ZNF827: variants seen among roughly 807,000 people sequenced by gnomAD.
ZNF827 encodes zinc finger protein 827.
Under a neutral mutation model 102.4 loss-of-function variants are expected in ZNF827, and 13 were observed. The observed-to-expected ratio is 0.13, with a 90% confidence interval of 0.08 to 0.20. The LOEUF (loss-of-function observed/expected upper bound fraction) is 0.20. ZNF827 is among the 10% of genes least tolerant of loss of function. The pLI, the probability that ZNF827 is intolerant of heterozygous loss-of-function variation, is 1.00. For synonymous variants in ZNF827, 523 were observed against 536.2 expected (o/e 0.98, Z 0.34); for missense variants, 1,103 against 1,344.4 (o/e 0.82, Z 2.81).
rs746103269 is a variant in ZNF827, at chr4:145,902,341, T to C, written c.918A>G (p.Lys306=). 3 of 1,606,428 alleles carry C rather than the reference T, an allele frequency of 1.9e-6. No individual in the cohort carries two copies. In the South Asian group the frequency reaches 3.3e-5, roughly 18 times the overall value. ...GAGGGTCCTCAGGCAGCAGCGATGATTTCTCAGCCAGAAGACTGCCCGCAG... is the reference window on the plus strand; with the variant it reads ...GAGGGTCCTCAGGCAGCAGCGATGACTTCTCAGCCAGAAGACTGCCCGCAG... The part of the protein sequence containing the change: ...ARAAGSLLAE[K]SSLLPEDPLP... Residue 306 remains lysine, a synonymous_variant, in exon 2 of 15, where the codon AAA becomes AAG. Coordinates refer to ENST00000508784, the MANE Select transcript of ZNF827 (RefSeq NM_001306215.2). This position sits in a 1 kb window ranked among gnomAD's most constrained non-coding sequence, Gnocchi z 4.3.
intron 3 of ZNF827, among the ~76,000 whole-genome samples, chr4:145,890,601 C>A (rs1445828811): frequency 1.3e-5 from 2 of 152,198 alleles, no homozygotes; most frequent in Non-Finnish European, 2.9e-5. Flanking sequence ...CTCGCTGAAG[C>A]TTTAAATTTG....
At chr4:145,914,776 GTGTACCTTCCT>G (rs1421405451) in intron 1 of ZNF827, among the ~76,000 whole-genome samples, 1 of 152,158 alleles carries the variant, frequency 6.6e-6, no homozygotes, top group African/African-American at 2.4e-5. Flanking sequence ...AATCCTGAAG[GTGTACCTTCCT>G]TTCTTCTCAG....
chr4:145,891,005 C>A (rs542891578), intron 3 of ZNF827, among the ~76,000 whole-genome samples: 1 of 152,322 alleles, frequency 6.6e-6, no homozygotes, highest in Admixed American at 6.5e-5. Flanking sequence ...GATTACTGAT[C>A]TATTTAAAAG....
At chr4:145,901,878 G>T (rs1411970428) in intron 2 of ZNF827, among the ~76,000 whole-genome samples, 3 of 152,002 alleles carry the variant, frequency 2.0e-5, no homozygotes, top group Non-Finnish European at 4.4e-5. Context: ...TATGGACCTA[G>T]CCTGAACTTA....
chr4:145,906,200 A>G (rs1751859082), intron 1 of ZNF827, among the ~76,000 whole-genome samples: 1 of 152,232 alleles, frequency 6.6e-6, no homozygotes, highest in South Asian at 2.1e-4. Context: ...TCCACTGCAC[A>G]ATCTGCAGAC....
rs1233299067 is a variant in ZNF827, at chr4:145,783,022, C to T, written c.2384-3511G>A. Among the ~76,000 whole-genome samples, 4 of 152,198 alleles carry T rather than the reference C, an allele frequency of 2.6e-5. No individual in the cohort carries two copies. In the East Asian group the frequency reaches 7.7e-4, roughly 29 times the overall value. On this transcript the variant is annotated intron_variant, in intron 8 of 14. Transcript: ENST00000508784. ...CCCAGGGAACTTTTATGAATATTTC[C>T]GTTGTACCACTTTTCCTATTATATC...
At chr4:145,919,768 A>T (rs910444468) in intron 1 of ZNF827, among the ~76,000 whole-genome samples, 12 of 152,256 alleles carry the variant, frequency 7.9e-5, no homozygotes, top group African/African-American at 2.7e-4. Context: ...AGCATGGATA[A>T]CATTAAACCA....
chr4:145,913,652 G>A (rs1752461161), intron 1 of ZNF827, among the ~76,000 whole-genome samples: 1 of 152,016 alleles, frequency 6.6e-6, no homozygotes, highest in African/African-American at 2.4e-5. Flanking sequence ...TTGATTACTT[G>A]CTCCCTTACC....
chr4:145,774,453 T>C (rs1736737901), intron 11 of ZNF827, 53 bp downstream of exon 11: 2 of 1,567,798 alleles, frequency 1.3e-6, no homozygotes, highest in Non-Finnish European at 1.7e-6. Context: ...GCAGGTGCTC[T>C]GGGGTGCAGG....
At chr4:145,908,495 T>A (rs1301437786) in intron 1 of ZNF827, among the ~76,000 whole-genome samples, 6 of 152,214 alleles carry the variant, frequency 3.9e-5, no homozygotes, top group Non-Finnish European at 7.3e-5. Flanking sequence ...GTTTTCCCTT[T>A]CCTACTAATA....
At position 145,853,615 on chromosome 4, in the gene ZNF827, C is replaced by CA. The variant is rs200790274; in HGVS notation, c.1982-4055dup. 7.7e-3 allele frequency among the ~76,000 whole-genome samples: 1,163 copies of CA among 150,190 alleles called. 10 individuals carry two copies. Among genetic ancestry groups the CA allele is most frequent in the African/African-American group, 0.026 (1,075 of 40,988 alleles). The stretch of plus-strand genomic sequence containing the variant: ...AACAAACAAACAACCCACAAAAAAA[C>CA]AAAAAAAAACTACAAGATATTTCAG... On this transcript the variant is annotated intron_variant, in intron 5 of 14. Coordinates refer to ENST00000508784, the MANE Select transcript of ZNF827 (RefSeq NM_001306215.2).
chr4:145,879,834 G>A (rs762776415), intron 4 of ZNF827, among the ~76,000 whole-genome samples: 9 of 152,104 alleles, frequency 5.9e-5, no homozygotes, highest in Non-Finnish European at 7.3e-5. Context: ...GCACAAGAAG[G>A]GCAGAGAACA....
At chr4:145,802,718 G>A (rs1309418065) in intron 8 of ZNF827, among the ~76,000 whole-genome samples, 1 of 152,260 alleles carries the variant, frequency 6.6e-6, no homozygotes, top group Non-Finnish European at 1.5e-5. Flanking sequence ...AGCACCCTGG[G>A]ACATGAAGGC....
chr4:145,814,899 C>G (rs1384535468), intron 8 of ZNF827, among the ~76,000 whole-genome samples: 1 of 152,084 alleles, frequency 6.6e-6, no homozygotes, highest in Admixed American at 6.5e-5. Context: ...TGAGATCGTG[C>G]CACTGCACTC....
At chr4:145,824,221 T>A (rs563774437) in intron 7 of ZNF827, among the ~76,000 whole-genome samples, 2 of 152,314 alleles carry the variant, frequency 1.3e-5, no homozygotes, top group East Asian at 3.9e-4. Context: ...CAGGGTTCCC[T>A]CTAAAACCAT....
intron 8 of ZNF827, among the ~76,000 whole-genome samples, chr4:145,795,837 T>C (rs1250452535): frequency 1.3e-5 from 2 of 152,260 alleles, no homozygotes; most frequent in Non-Finnish European, 2.9e-5. Flanking sequence ...GGGTATCTTA[T>C]CAGTGGCTCC....
chr4:145,892,315 A>G lies in ZNF827; in HGVS notation c.1194T>C (p.Gly398=), dbSNP rs1359767335. ...YWKRHMVIHT[G]LKSHQCPLCP... Reference sequence around the variant, plus strand: ...AGAGCGGACACTGATGACTTTTTAAACCTGTGTGAATCACCATGTGCCGCT... The same window carrying G: ...AGAGCGGACACTGATGACTTTTTAAGCCTGTGTGAATCACCATGTGCCGCT... The change falls in exon 3 of 15, where the codon GGT becomes GGC. Residue 398 remains glycine (G), a synonymous_variant. Coordinates refer to ENST00000508784, the MANE Select transcript of ZNF827 (RefSeq NM_001306215.2). The G allele has an allele frequency of 3.7e-6, 6 of 1,613,884 alleles. No individual in the cohort carries two copies. The highest frequency in any genetic ancestry group is 5.1e-6 in the Non-Finnish European group (6 of 1,179,984).
At chr4:145,794,644 C>T (rs948064060) in intron 8 of ZNF827, among the ~76,000 whole-genome samples, 5 of 151,926 alleles carry the variant, frequency 3.3e-5, no homozygotes, top group African/African-American at 1.2e-4. Flanking sequence ...TTGCTTGAGC[C>T]CAGGAGGTTA....
intron 4 of ZNF827, among the ~76,000 whole-genome samples, chr4:145,879,425 A>C (rs941710979): frequency 2.0e-4 from 30 of 152,244 alleles, no homozygotes; most frequent in Admixed American, 1.8e-3. Flanking sequence ...ACGGACTTCA[A>C]GGAGAATGAC....
Sources: gnomAD v4.1 joint callset for allele counts (sites outside exome capture counted in the v4.1 genomes callset) on GRCh38, gnomAD v4.1.1 for gene constraint, Gnocchi (gnomAD v3.1) non-coding constraint, MANE v1.5 for transcripts, NCBI Gene and HGNC (gene_info 2026-07-23, HGNC 2026-07-21) for gene names.